The following RANBP2 variants were observed in gnomAD, a reference collection of about 807,000 sequenced individuals.
RANBP2 encodes RAN binding protein 2.
A neutral mutation model predicts 303.6 loss-of-function variants in RANBP2; 57 were observed. That is an observed-to-expected ratio of 0.19 (90% CI 0.15 to 0.23). The LOEUF is 0.23. RANBP2 is among the 10% of genes least tolerant of loss of function. RANBP2 has a pLI of 1.00. For missense variants in RANBP2, 3,138 were observed against 3,780.8 expected (o/e 0.83, Z 4.46); for synonymous variants, 1,167 against 1,301.5 (o/e 0.90, Z 2.23).
At chr2:108,906,142 G>A in the RANBP2 span, among the ~76,000 whole-genome samples, 1 of 152,216 alleles carries the variant, frequency 6.6e-6, no homozygotes, top group Non-Finnish European at 1.5e-5. Context: ...ACAAGATTCT[G>A]TTTCCCCACA....
At chr2:109,633,129 C>T in the RANBP2 span, among the ~76,000 whole-genome samples, 2 of 152,226 alleles carry the variant, frequency 1.3e-5, no homozygotes, top group Non-Finnish European at 2.9e-5. Context: ...TGGTGGCTCA[C>T]ACCTGTAATC....
At chr2:109,403,220 C>T in the RANBP2 span, among the ~76,000 whole-genome samples, 15 of 152,228 alleles carry the variant, frequency 9.9e-5, no homozygotes, top group Admixed American at 6.5e-4. Flanking sequence ...CTGAGAGCCG[C>T]GCACTGTCCG....
chr2:109,415,574 A>C, the RANBP2 span, among the ~76,000 whole-genome samples: 1 of 151,936 alleles, frequency 6.6e-6, no homozygotes, highest in Non-Finnish European at 1.5e-5. Flanking sequence ...GCACTTCCTG[A>C]TGGGTTCCCT....
At chr2:109,086,013 T>C in the RANBP2 span, among the ~76,000 whole-genome samples, 10 of 152,232 alleles carry the variant, frequency 6.6e-5, no homozygotes, top group African/African-American at 2.4e-4. Flanking sequence ...TTCATATTAG[T>C]GGAATCATAC....
chr2:109,590,313 G>A, the RANBP2 span, among the ~76,000 whole-genome samples: 1 of 152,010 alleles, frequency 6.6e-6, no homozygotes, highest in Non-Finnish European at 1.5e-5. Flanking sequence ...TAAATCAAAC[G>A]CTAACCTAGG....
At position 108,754,936 on chromosome 2, in the gene RANBP2, T is replaced by G. The variant is rs759162840; in HGVS notation, c.2234T>G (p.Met745Arg). The change falls in exon 16 of 29, where the codon ATG (methionine) becomes AGG (arginine). Residue 745 changes from methionine (M) to arginine (R), a missense_variant. Met to Arg is a moderately conservative substitution (Grantham distance 91, BLOSUM62 -1). Around this residue, in one of 20 missense-constraint regions of RANBP2, gnomAD observed 194 missense variants for 197.4 expected, o/e 0.98. Transcript: ENST00000283195. ...LPVPLESVKE[M>R]LNSVMQELED... is the part of the protein sequence containing the mutation. ...GTGCCCCTGGAGTCTGTAAAAGAGA[T>G]GCTTAATTCAGTCATGCAGGAACTC... 3 of 1,611,884 alleles carry G rather than the reference T, an allele frequency of 1.9e-6. No individual in the cohort carries two copies. Among genetic ancestry groups the G allele is most frequent in the Admixed American group, 1.7e-5 (1 of 60,014 alleles).
the RANBP2 span, among the ~76,000 whole-genome samples, chr2:109,107,940 C>G: frequency 2.0e-5 from 3 of 151,772 alleles, no homozygotes; most frequent in African/African-American, 7.3e-5. Flanking sequence ...GAGTCTTGCT[C>G]TGTCGCCCAG....
the RANBP2 span, chr2:109,398,675 A>T: frequency 6.2e-7 from 1 of 1,609,134 alleles, no homozygotes; most frequent in South Asian, 1.1e-5. Flanking sequence ...CTGCCCTCTG[A>T]CTCCGGCGCT....
chr2:109,127,209 C>T, the RANBP2 span: 2 of 152,146 alleles, frequency 1.3e-5, no homozygotes, highest in Non-Finnish European at 2.9e-5. Flanking sequence ...CAGGGACTAG[C>T]ATCCTGATAT....
chr2:108,797,297 G>C, the RANBP2 span, among the ~76,000 whole-genome samples: 1 of 152,288 alleles, frequency 6.6e-6, no homozygotes, highest in Non-Finnish European at 1.5e-5. Context: ...GGAAAACTAG[G>C]AGAATGGTGT....
the RANBP2 span, among the ~76,000 whole-genome samples, chr2:109,709,149 A>T: frequency 8.6e-5 from 13 of 150,404 alleles, no homozygotes; most frequent in South Asian, 4.2e-4. Context: ...CTAAAAATAT[A>T]AAAAAAATTA....
the RANBP2 span, among the ~76,000 whole-genome samples, chr2:108,864,961 G>A: frequency 6.6e-6 from 1 of 151,956 alleles, no homozygotes. Context: ...CCTGTTTTAA[G>A]AAAATAAATA....
chr2:109,449,026 G>C, the RANBP2 span: 6 of 930,502 alleles, frequency 6.4e-6, no homozygotes, highest in African/African-American at 3.4e-5. Context: ...CATCTGTGAA[G>C]AGGCCAGGTC....
the RANBP2 span, among the ~76,000 whole-genome samples, chr2:108,831,738 G>A: frequency 2.0e-3 from 50 of 25,256 alleles, no homozygotes; most frequent in Non-Finnish European, 1.7e-3. Flanking sequence ...CCTTCCTTCC[G>A]TCCTTCCTGT....
chr2:109,371,654 C>G, the RANBP2 span: 1 of 1,613,786 alleles, frequency 6.2e-7, no homozygotes, highest in Non-Finnish European at 8.5e-7. Flanking sequence ...GAGACAAGAT[C>G]GGGATCTTCC....
the RANBP2 span, among the ~76,000 whole-genome samples, chr2:108,918,117 C>A: frequency 6.6e-6 from 1 of 152,200 alleles, no homozygotes; most frequent in African/African-American, 2.4e-5. Context: ...GCGGTCTGGG[C>A]TGATCCTCTT....
At chr2:109,006,092 G>A in the RANBP2 span, among the ~76,000 whole-genome samples, 1 of 152,242 alleles carries the variant, frequency 6.6e-6, no homozygotes, top group East Asian at 1.9e-4. Flanking sequence ...GCCCATAGCA[G>A]AAACGTGTGT....
chr2:108,958,413 A>AAAAAAAC, the RANBP2 span, among the ~76,000 whole-genome samples: 1 of 151,602 alleles, frequency 6.6e-6, no homozygotes, highest in Non-Finnish European at 1.5e-5. Context: ...CAGCAGGAAA[A>AAAAAAAC]AAAAAACAAA....
chr2:109,677,894 G>C, the RANBP2 span, among the ~76,000 whole-genome samples: 1 of 152,212 alleles, frequency 6.6e-6, no homozygotes, highest in African/African-American at 2.4e-5. Context: ...CTCAACTTTG[G>C]ATTTCTGTAT....
Sources: gnomAD v4.1 joint callset for allele counts (sites outside exome capture counted in the v4.1 genomes callset) on GRCh38, gnomAD v4.1.1 for gene constraint, gnomAD v4.1.1 regional missense constraint, MANE v1.5 for transcripts, NCBI Gene and HGNC (gene_info 2026-07-23, HGNC 2026-07-21) for gene names.